FLT3: variants seen among roughly 807,000 people sequenced by gnomAD.
The protein encoded by FLT3 is fms related receptor tyrosine kinase 3.
In FLT3, 46 loss-of-function variants were observed where a neutral mutation model predicts 126.6. That is an observed-to-expected ratio of 0.36 (90% CI 0.29 to 0.46). FLT3 has a LOEUF of 0.46. Among genes scored for constraint, FLT3 ranks in the 20% least tolerant of loss-of-function variants. The probability of loss-of-function intolerance (pLI) is 1.00; values close to 1 mark genes in which losing one functional copy is unlikely to be tolerated. For synonymous variants in FLT3, 404 were observed against 434.4 expected (o/e 0.93, Z 0.87); for missense variants, 1,069 against 1,190.3 (o/e 0.90, Z 1.50).
intron 1 of FLT3, among the ~76,000 whole-genome samples, chr13:28,079,488 C>T (rs907031938): frequency 6.6e-6 from 1 of 152,126 alleles, no homozygotes; most frequent in Non-Finnish European, 1.5e-5. Flanking sequence ...TTTTCAGCAG[C>T]ACCCCACTCT....
intron 8 of FLT3, 103 bp downstream of exon 8, chr13:28,049,281 A>T: frequency 9.7e-7 from 1 of 1,034,484 alleles, no homozygotes; most frequent in Non-Finnish European, 1.4e-6. Context: ...TTAGTGTTTG[A>T]TAGTAGCATT....
intron 4 of FLT3, 122 bp from the exon 5 acceptor site, chr13:28,052,796 C>A (rs1476626223): frequency 6.8e-6 from 4 of 590,558 alleles, no homozygotes; most frequent in South Asian, 3.9e-5. Context: ...ATATTTTTTT[C>A]TTTTTTCATA....
intron 1 of FLT3, among the ~76,000 whole-genome samples, chr13:28,095,431 A>T (rs1230648499): frequency 6.6e-6 from 1 of 152,052 alleles, no homozygotes; most frequent in Non-Finnish European, 1.5e-5. Flanking sequence ...GTGCGCCACC[A>T]CACCCAGCTA....
chr13:28,078,964 G>C (rs561171063), intron 1 of FLT3, among the ~76,000 whole-genome samples: 1 of 152,216 alleles, frequency 6.6e-6, no homozygotes, highest in South Asian at 2.1e-4. Flanking sequence ...CCCCCGCCTT[G>C]GCCTCCCAAA....
intron 1 of FLT3, among the ~76,000 whole-genome samples, chr13:28,074,844 G>A (rs1017973316): frequency 2.6e-5 from 4 of 151,888 alleles, no homozygotes; most frequent in Non-Finnish European, 5.9e-5. Context: ...TTTTTGTCCA[G>A]GCTGGTCTCA....
chr13:28,053,535 C>T (rs4769591), intron 4 of FLT3, among the ~76,000 whole-genome samples: 23,434 of 151,632 alleles, frequency 0.15, 2,097 homozygotes, highest in Middle Eastern at 0.26. Flanking sequence ...ATGCTTCTCC[C>T]CACCTCTCAA....
At chr13:28,056,745 C>T (rs1026513200) in intron 4 of FLT3, among the ~76,000 whole-genome samples, 1 of 152,232 alleles carries the variant, frequency 6.6e-6, no homozygotes, top group African/African-American at 2.4e-5. Context: ...GGGCTATTTA[C>T]ATTCCAATTT....
chr13:28,071,052 T>C (rs1877468950), intron 1 of FLT3, among the ~76,000 whole-genome samples: 1 of 138,378 alleles, frequency 7.2e-6, no homozygotes, highest in African/African-American at 2.7e-5. Context: ...TGGAGTGCAG[T>C]GGCGCGTTCT....
intron 1 of FLT3, among the ~76,000 whole-genome samples, chr13:28,091,397 A>AT (rs1344014599): frequency 1.4e-5 from 2 of 146,474 alleles, no homozygotes; most frequent in Non-Finnish European, 3.0e-5. Flanking sequence ...AATTTTTTGT[A>AT]TTTTTAGTAG....
At position 28,034,347 on chromosome 13, in the gene FLT3, A is replaced by G. The variant is rs1873639396; in HGVS notation, c.1658T>C (p.Leu553Pro). Residue 553 changes from leucine to proline, a missense_variant, in exon 13 of 24, where the codon CTC becomes CCC. By Grantham distance (98) the Leu-to-Pro change is moderately conservative (BLOSUM62 -3). Coordinates refer to ENST00000241453, the MANE Select transcript of FLT3 (RefSeq NM_004119.3). ...TAGCAGGGTTAAAACGACAATGAAG[A>G]GGAGACAAACACCAATTGTTGCATA... The part of the protein sequence containing the change: ...SFYATIGVCL[L>P]FIVVLTLLIC... 6.2e-7 allele frequency: 1 copy of G among 1,614,170 alleles called. No homozygotes were observed. The highest frequency in any genetic ancestry group is 1.3e-5 in the African/African-American group (1 of 75,060).
intron 1 of FLT3, among the ~76,000 whole-genome samples, chr13:28,094,509 CT>C (rs1879328011): frequency 1.3e-5 from 2 of 151,700 alleles, no homozygotes; most frequent in Admixed American, 6.6e-5. Flanking sequence ...TTTCTTTTTT[CT>C]TTTTTTAGAG....
chr13:28,073,547 A>G (rs956072038), intron 1 of FLT3, among the ~76,000 whole-genome samples: 2 of 152,120 alleles, frequency 1.3e-5, no homozygotes, highest in Admixed American at 1.3e-4. Flanking sequence ...AAAATATTTT[A>G]TAAGTATAAT....
At chr13:28,063,786 G>A (rs1876779018) in intron 2 of FLT3, among the ~76,000 whole-genome samples, 1 of 151,490 alleles carries the variant, frequency 6.6e-6, no homozygotes, top group African/African-American at 2.4e-5. Flanking sequence ...GAGTCTCCTA[G>A]GAATAAATAA....
At chr13:28,085,127 T>G (rs978457481) in intron 1 of FLT3, among the ~76,000 whole-genome samples, 2 of 151,650 alleles carry the variant, frequency 1.3e-5, no homozygotes, top group African/African-American at 4.8e-5. Context: ...GCGGATCACC[T>G]GAGAAAGGAG....
intron 23 of FLT3, among the ~76,000 whole-genome samples, chr13:28,005,082 C>T (rs1870761032): frequency 6.6e-6 from 1 of 152,218 alleles, no homozygotes; most frequent in Non-Finnish European, 1.5e-5. Context: ...GTAATCCCAG[C>T]ACTTTGGGAT....
intron 19 of FLT3, among the ~76,000 whole-genome samples, chr13:28,022,304 G>T (rs569604982): frequency 6.6e-6 from 1 of 152,228 alleles, no homozygotes; most frequent in African/African-American, 2.4e-5. Flanking sequence ...TTGAGCTCAG[G>T]ATTTCAAGAC....
chr13:28,025,735 C>A (rs144565382), intron 17 of FLT3, among the ~76,000 whole-genome samples: 103 of 152,212 alleles, frequency 6.8e-4, no homozygotes, highest in African/African-American at 2.4e-3. Flanking sequence ...ATATGAGTGG[C>A]TTTATAGAGT....
At chr13:28,060,647 T>C (rs78854330) in intron 3 of FLT3, among the ~76,000 whole-genome samples, 25,072 of 151,972 alleles carry the variant, frequency 0.16, 2,229 homozygotes, top group Middle Eastern at 0.23. Flanking sequence ...CTCTTGCCTC[T>C]CAGGTTGGAG....
At position 28,061,970 on chromosome 13, in the gene FLT3, T is replaced by C; in HGVS notation, c.265A>G (p.Ile89Val). ...AAVEVDVSAS[I>V]TLQVLVDAPG... ...GCGTCGACCAGCACTTGCAGTGTGA[T>C]GGAAGCAGATACATCCACTTCCACA... Residue 89 changes from isoleucine (I) to valine (V), a missense_variant, in exon 3 of 24, where the codon ATC becomes GTC. By Grantham distance (29) the Ile-to-Val change is conservative. Transcript: ENST00000241453. 1 of 1,613,826 alleles carries C rather than the reference T, an allele frequency of 6.2e-7. No individual in the cohort carries two copies. The highest frequency in any genetic ancestry group is 8.5e-7 in the Non-Finnish European group (1 of 1,179,886).
Sources: allele counts gnomAD v4.1 joint callset (sites outside exome capture counted in the v4.1 genomes callset), GRCh38; gene constraint gnomAD v4.1.1; transcripts MANE v1.5; gene names NCBI Gene and HGNC (gene_info 2026-07-23, HGNC 2026-07-21).